FAM111B: variants seen among roughly 807,000 people sequenced by gnomAD.
FAM111B encodes FAM111 trypsin like peptidase B, also known as serine protease FAM111B.
A neutral mutation model predicts 2.8 loss-of-function variants in FAM111B; 1 was observed. That is an observed-to-expected ratio of 0.36 (90% confidence interval 0.13 to 1.70). FAM111B has a LOEUF of 1.70. Ranked by LOEUF, FAM111B falls within the 40% of genes most tolerant of loss-of-function variation. The pLI, the probability that FAM111B is intolerant of heterozygous loss-of-function variation, is 0.35. For missense variants in FAM111B, 882 were observed against 878.9 expected (o/e 1.00, Z -0.04); for synonymous variants, 297 against 295.6 (o/e 1.00, Z -0.05).
intron 3 of FAM111B, among the ~76,000 whole-genome samples, chr11:59,113,697 G>T (rs150569626): frequency 6.6e-6 from 1 of 152,154 alleles, no homozygotes; most frequent in Non-Finnish European, 1.5e-5. Context: ...CTCTATCAGC[G>T]TCCCCCAGAC....
At chr11:59,116,784 A>C (rs1253488010) in intron 3 of FAM111B, among the ~76,000 whole-genome samples, 1 of 152,196 alleles carries the variant, frequency 6.6e-6, no homozygotes, top group Non-Finnish European at 1.5e-5. Context: ...AGGGCTCAGC[A>C]ATCTTTGTTT....
At chr11:59,124,090 T>G in intron 3 of FAM111B, 89 bp from the exon 4 acceptor site, 1 of 815,520 alleles carries the variant, frequency 1.2e-6, no homozygotes, top group Non-Finnish European at 1.8e-6. Context: ...TAATTTTTAT[T>G]CATAATATCT....
At position 59,125,806 on chromosome 11, in the gene FAM111B, C is replaced by G. The variant is rs1860018152; in HGVS notation, c.1709C>G (p.Ser570Cys). Reference sequence around the variant, plus strand: ...TGGCGACAGATTTCTCCTCAACCATCTACTGGTTTGATTTATTTAATTGGT... The same window carrying G: ...TGGCGACAGATTTCTCCTCAACCATGTACTGGTTTGATTTATTTAATTGGT... ...GLWRQISPQP[S>C]TGLIYLIGHP... The change falls in exon 4 of 4, where the codon TCT becomes TGT. Residue 570 changes from serine (S) to cysteine (C), a missense_variant. Coordinates refer to ENST00000343597, the MANE Select transcript of FAM111B (RefSeq NM_198947.4). 3.1e-6 allele frequency: 5 copies of G among 1,613,732 alleles called. No individual in the cohort carries two copies. The Admixed American group carries it at 5.0e-5, about 16-fold the overall frequency.
At chr11:59,107,387 C>T (rs1859679252) in intron 1 of FAM111B, 91 bp downstream of exon 1, 1 of 152,572 alleles carries the variant, frequency 6.6e-6, no homozygotes, top group Admixed American at 6.5e-5. Flanking sequence ...AGCCCAAAGT[C>T]AAGGGGGTTT....
chr11:59,122,030 C>T (rs1859930728), intron 3 of FAM111B, among the ~76,000 whole-genome samples: 2 of 152,296 alleles, frequency 1.3e-5, no homozygotes, highest in African/African-American at 2.4e-5. Flanking sequence ...GTAATCCCAG[C>T]TACTCAGGAG....
At position 59,126,561 on chromosome 11, in the gene FAM111B, AC is replaced by A. The variant is rs1590896071; in HGVS notation, c.*260del. The A allele has an allele frequency of 3.2e-6, 1 of 312,078 alleles. No homozygotes were observed. The allele number at this position is 312,078 out of a possible 1,614,324, so 19.3% of individuals were successfully genotyped here. ...TTAAACAGATTAACAAGCAAAAAAA[AC>A]AAGCAACCCCATTAAAAAGTGGGCA... On this transcript the variant is annotated 3_prime_UTR_variant, in exon 4 of 4. Coordinates refer to ENST00000343597, the MANE Select transcript of FAM111B (RefSeq NM_198947.4).
rs191580876 is a variant in FAM111B at position 59,121,004 on chromosome 11, G to T, written c.82-3175G>T. Among the ~76,000 whole-genome samples the T allele has an allele frequency of 1.7e-3, 251 of 148,798 alleles. 1 individual carries two copies. Among genetic ancestry groups the T allele is most frequent in the African/African-American group, 6.1e-3 (243 of 40,068 alleles). Reference sequence around the variant, plus strand: ...AAATAAAAAGTGATACCTACTTGAAGCTATGTACAAAAAATAATTCCAGAT... The same window carrying T: ...AAATAAAAAGTGATACCTACTTGAATCTATGTACAAAAAATAATTCCAGAT... On this transcript the variant is annotated intron_variant, in intron 3 of 3. Coordinates refer to ENST00000343597, the MANE Select transcript of FAM111B (RefSeq NM_198947.4).
In FAM111B at chr11:59,124,504, C is replaced by T. The variant is rs1025257710; in HGVS notation, c.407C>T (p.Thr136Ile). ...AACATTATTGTTTATGAAGAAAAGA[C>T]AATAGATGGACATATAAATTTAGGA... The part of the protein sequence containing the change: ...NKNIIVYEEK[T>I]IDGHINLGMP... The change falls in exon 4 of 4, where the codon ACA (threonine) becomes ATA (isoleucine). Residue 136 changes from threonine (T) to isoleucine (I), a missense_variant. Coordinates refer to ENST00000343597, the MANE Select transcript of FAM111B (RefSeq NM_198947.4). The T allele has an allele frequency of 3.1e-6, 5 of 1,613,014 alleles. No homozygotes were observed. Among genetic ancestry groups the T allele is most frequent in the Non-Finnish European group, 2.5e-6 (3 of 1,179,592 alleles).
In FAM111B at chr11:59,126,217, A is replaced by T; in HGVS notation, c.2120A>T (p.Asp707Val). 4.4e-6 allele frequency: 7 copies of T among 1,605,778 alleles called. No homozygotes were observed. Among genetic ancestry groups the T allele is most frequent in the Non-Finnish European group, 5.9e-6 (7 of 1,177,758 alleles). Reference sequence around the variant, plus strand: ...GAGAGCTTGTATAAATCATTAAATGATGAGAAACTTGAGACCTACGATGAA... The same window carrying T: ...GAGAGCTTGTATAAATCATTAAATGTTGAGAAACTTGAGACCTACGATGAA... ...TNESLYKSLN[D>V]EKLETYDEEK... The change falls in exon 4 of 4, where the codon GAT becomes GTT. Residue 707 changes from aspartate to valine, a missense_variant. Transcript: ENST00000343597.
At chr11:59,118,894 G>C (rs1389797782) in intron 3 of FAM111B, among the ~76,000 whole-genome samples, 1 of 152,036 alleles carries the variant, frequency 6.6e-6, no homozygotes, top group Non-Finnish European at 1.5e-5. Flanking sequence ...TGCATTCCTG[G>C]TATTTACCTA....
chr11:59,116,744 C>T (rs1286585347), intron 3 of FAM111B, among the ~76,000 whole-genome samples: 1 of 150,744 alleles, frequency 6.6e-6, no homozygotes, highest in Admixed American at 6.6e-5. Context: ...CAGCCTCAAC[C>T]CAGATATATT....
At chr11:59,109,232 C>A (rs535571535) in intron 2 of FAM111B, among the ~76,000 whole-genome samples, 22 of 152,216 alleles carry the variant, frequency 1.4e-4, no homozygotes, top group African/African-American at 5.3e-4. Flanking sequence ...CAAGGGATAC[C>A]CACTGCAGAT....
chr11:59,107,565 G>T (rs1277122763), intron 1 of FAM111B, among the ~76,000 whole-genome samples: 5 of 152,184 alleles, frequency 3.3e-5, no homozygotes, highest in East Asian at 1.9e-4. Flanking sequence ...GGTGCCGTTC[G>T]CGCCCATAGA....
At chr11:59,120,956 G>A (rs927480137) in intron 3 of FAM111B, among the ~76,000 whole-genome samples, 17 of 151,172 alleles carry the variant, frequency 1.1e-4, no homozygotes, top group African/African-American at 4.1e-4. Flanking sequence ...CATCGCTGGA[G>A]TAATTAGTTA....
In FAM111B at chr11:59,126,308, A is replaced by G. The variant is rs760967042; in HGVS notation, c.*6A>G. ...TTGAACCCATGGAATGTTAGAAAAG[A>G]GATGCTGTCTTCAAGAAAATATGCC... On this transcript the variant is annotated 3_prime_UTR_variant, in exon 4 of 4. Transcript: ENST00000343597. The G allele has an allele frequency of 2.4e-5, 36 of 1,501,670 alleles. No individual in the cohort carries two copies. Among genetic ancestry groups the G allele is most frequent in the African/African-American group, 9.8e-5 (7 of 71,268 alleles). The allele number at this position is 1,501,670 out of a possible 1,614,324, so 93.0% of individuals were successfully genotyped here.
intron 3 of FAM111B, among the ~76,000 whole-genome samples, chr11:59,113,079 A>G (rs1470331450): frequency 2.0e-5 from 3 of 152,220 alleles, no homozygotes; most frequent in Non-Finnish European, 4.4e-5. Context: ...TAAATCTAAG[A>G]TCACAAAACA....
Position 59,125,222 on chromosome 11 carries a change from T to A in FAM111B, c.1125T>A (p.Ala375=). The part of the protein sequence containing the change: ...RRRPHLGRRY[A]INLDVQKEAI... ...GGCCGCATCTGGGTAGGCGGTATGC[T>A]ATTAATCTGGATGTCCAAAAGGAGG... Residue 375 remains alanine, a synonymous_variant, in exon 4 of 4, where the codon GCT becomes GCA. Coordinates refer to ENST00000343597, the MANE Select transcript of FAM111B (RefSeq NM_198947.4). The A allele has an allele frequency of 6.2e-7, 1 of 1,613,990 alleles. No homozygotes were observed. The highest frequency in any genetic ancestry group is 8.5e-7 in the Non-Finnish European group (1 of 1,179,870).
At position 59,124,560 on chromosome 11, in the gene FAM111B, C is replaced by T. The variant is rs202196116; in HGVS notation, c.463C>T (p.His155Tyr). The change falls in exon 4 of 4, where the codon CAT (histidine) becomes TAT (tyrosine). Residue 155 changes from histidine to tyrosine, a missense_variant. His to Tyr is a moderately conservative substitution (Grantham distance 83, BLOSUM62 2). Coordinates refer to ENST00000343597, the MANE Select transcript of FAM111B (RefSeq NM_198947.4). ...MPLKCLPSDS[H>Y]FKITFGQRKS... Reference sequence around the variant, plus strand: ...TCTCAAGTGCCTGCCTAGTGATTCTCATTTTAAAATTACATTTGGTCAAAG... The same window carrying T: ...TCTCAAGTGCCTGCCTAGTGATTCTTATTTTAAAATTACATTTGGTCAAAG... The T allele has an allele frequency of 1.6e-5, 26 of 1,613,480 alleles. No homozygotes were observed. In the Middle Eastern group the frequency reaches 9.9e-4, roughly 61 times the overall value.
At chr11:59,122,857 CACCTACCTACT>C (rs1332193138) in intron 3 of FAM111B, among the ~76,000 whole-genome samples, 2 of 152,142 alleles carry the variant, frequency 1.3e-5, no homozygotes, top group Non-Finnish European at 2.9e-5. Context: ...CATTCCATTG[CACCTACCTACT>C]AAATGATCCA....
Sources: gnomAD v4.1 joint callset for allele counts (sites outside exome capture counted in the v4.1 genomes callset) on GRCh38, gnomAD v4.1.1 for gene constraint, MANE v1.5 for transcripts, NCBI Gene and HGNC (gene_info 2026-07-23, HGNC 2026-07-21) for gene names.